TRABD2A: variants seen among roughly 807,000 people sequenced by gnomAD.
The protein encoded by TRABD2A is TraB domain containing 2A.
TRABD2A carries 43 observed loss-of-function variants against 45.6 expected under a neutral mutation model. The observed-to-expected ratio is 0.94, with a 90% CI of 0.74 to 1.22. TRABD2A has a LOEUF of 1.22. Ranked by LOEUF, TRABD2A falls within the 50% of genes most tolerant of loss-of-function variation. The probability of loss-of-function intolerance (pLI) is 0.00; values close to 1 mark genes in which losing one functional copy is unlikely to be tolerated. For synonymous variants in TRABD2A, 269 were observed against 265.0 expected, an observed-to-expected ratio of 1.02 and a Z score of -0.15; for missense variants, 642 against 652.4, an observed-to-expected ratio of 0.98 and a Z score of 0.17.
intron 2 of TRABD2A, among the ~76,000 whole-genome samples, chr2:84,848,576 G>A (rs2105388215): frequency 7.0e-6 from 1 of 142,080 alleles, no homozygotes; most frequent in African/African-American, 2.5e-5. Context: ...TATAGAGAGA[G>A]AGACAGAGAG....
At chr2:84,876,783 G>A (rs912974034) in intron 1 of TRABD2A, among the ~76,000 whole-genome samples, 1 of 152,152 alleles carries the variant, frequency 6.6e-6, no homozygotes, top group African/African-American at 2.4e-5. Flanking sequence ...GAAAGGCTCT[G>A]TCCAGCTCAT....
At chr2:84,837,162 T>A (rs1243173646) in intron 4 of TRABD2A, 1 of 152,008 alleles carries the variant, frequency 6.6e-6, no homozygotes, top group East Asian at 1.9e-4. Flanking sequence ...CCTGGCTAAT[T>A]TTTGTATTAT....
chr2:84,864,699 A>G (rs952891970), intron 2 of TRABD2A, among the ~76,000 whole-genome samples: 1 of 152,166 alleles, frequency 6.6e-6, no homozygotes, highest in Non-Finnish European at 1.5e-5. Flanking sequence ...GCCTCTAGGA[A>G]CAGAGACCTC....
At chr2:84,874,557 T>C (rs1191220018) in intron 1 of TRABD2A, 1 of 153,170 alleles carries the variant, frequency 6.5e-6, no homozygotes, top group African/African-American at 2.4e-5. Flanking sequence ...AAGATGTAAC[T>C]TTCTTCCAGT....
At chr2:84,879,944 A>C (rs1431556292) in intron 1 of TRABD2A, among the ~76,000 whole-genome samples, 4 of 152,148 alleles carry the variant, frequency 2.6e-5, no homozygotes, top group Non-Finnish European at 5.9e-5. Flanking sequence ...CGCAGGTGTC[A>C]TCAAAGGTGG....
intron 2 of TRABD2A, among the ~76,000 whole-genome samples, chr2:84,858,767 C>G (rs1052714456): frequency 6.6e-6 from 1 of 152,190 alleles, no homozygotes; most frequent in Non-Finnish European, 1.5e-5. Context: ...CATAGTGTAA[C>G]AGTTATCATG....
chr2:84,870,865 T>A, intron 1 of TRABD2A, 80 bp from the exon 2 acceptor site: 5 of 1,313,354 alleles, frequency 3.8e-6, no homozygotes, highest in Non-Finnish European at 5.1e-6. Context: ...AATGAATCAG[T>A]CACATTTCAA....
intron 2 of TRABD2A, among the ~76,000 whole-genome samples, chr2:84,856,378 G>A (rs1317601886): frequency 6.6e-6 from 1 of 152,034 alleles, no homozygotes; most frequent in Non-Finnish European, 1.5e-5. Flanking sequence ...TCAAACCAAG[G>A]AGGTGATGAA....
At chr2:84,831,363 G>T (rs983392383) in intron 5 of TRABD2A, among the ~76,000 whole-genome samples, 31 of 152,104 alleles carry the variant, frequency 2.0e-4, no homozygotes, top group South Asian at 6.2e-4. Flanking sequence ...TGTGGTTGTT[G>T]TTATGACAGC....
chr2:84,829,363 A>AACACACAC (rs146287038), intron 5 of TRABD2A, among the ~76,000 whole-genome samples: 20 of 145,712 alleles, frequency 1.4e-4, no homozygotes, highest in Middle Eastern at 3.5e-3. Flanking sequence ...AACAACCAGC[A>AACACACAC]ACACACACAC....
At chr2:84,822,598 A>G (rs1681030482) in intron 6 of TRABD2A, among the ~76,000 whole-genome samples, 1 of 152,150 alleles carries the variant, frequency 6.6e-6, no homozygotes, top group East Asian at 1.9e-4. Flanking sequence ...GCTTACCCAG[A>G]TCTTTCAACT....
intron 1 of TRABD2A, among the ~76,000 whole-genome samples, chr2:84,879,927 G>C (rs1283843814): frequency 6.6e-6 from 1 of 152,160 alleles, no homozygotes; most frequent in Non-Finnish European, 1.5e-5. Flanking sequence ...GGCAGACCGG[G>C]GAGCTGCGCA....
chr2:84,871,192 T>C (rs1682863539), intron 1 of TRABD2A, among the ~76,000 whole-genome samples: 2 of 152,338 alleles, frequency 1.3e-5, no homozygotes, highest in South Asian at 4.1e-4. Context: ...AGTTTTGAGA[T>C]TGTGCCATGC....
intron 2 of TRABD2A, among the ~76,000 whole-genome samples, chr2:84,855,038 C>T (rs988389325): frequency 5.3e-5 from 8 of 152,132 alleles, no homozygotes; most frequent in African/African-American, 1.9e-4. Context: ...CCCCCTCCCT[C>T]CCCAAGCCAT....
intron 3 of TRABD2A, among the ~76,000 whole-genome samples, chr2:84,841,216 A>T (rs916238090): frequency 1.3e-5 from 2 of 152,232 alleles, no homozygotes; most frequent in Non-Finnish European, 2.9e-5. Context: ...TGATAAAAGC[A>T]TAACAAAGAT....
At chr2:84,859,949 T>TGG (rs149173736) in intron 2 of TRABD2A, among the ~76,000 whole-genome samples, 2 of 149,934 alleles carry the variant, frequency 1.3e-5, no homozygotes, top group East Asian at 2.0e-4. Flanking sequence ...TTTGGAGAGA[T>TGG]GGGGGGGGGT....
chr2:84,855,173 C>T (rs923257980), intron 2 of TRABD2A, among the ~76,000 whole-genome samples: 4 of 152,134 alleles, frequency 2.6e-5, no homozygotes, highest in Non-Finnish European at 4.4e-5. Context: ...GCAGAAAATG[C>T]TCATCTTTAT....
chr2:84,865,618 C>T (rs1275035407), intron 2 of TRABD2A, among the ~76,000 whole-genome samples: 1 of 152,224 alleles, frequency 6.6e-6, no homozygotes, highest in East Asian at 1.9e-4. Flanking sequence ...GGACAGATTC[C>T]ATGCTGAGGA....
In TRABD2A at chr2:84,870,164, C is replaced by T. The variant is rs1209700206; in HGVS notation, c.669+61G>A. On this transcript the variant is annotated intron_variant, in intron 2 of 6. Transcript: ENST00000409520. ...CCGTGATCCATCACCTGCCCTGAAA[C>T]TCAACAGATTCACCCATACAACCAA... 31 of 1,486,900 alleles carry T rather than the reference C, an allele frequency of 2.1e-5. No homozygotes were observed. The East Asian group carries it at 5.5e-4, about 26-fold the overall frequency. 92.1% of individuals were successfully genotyped at this position (1,486,900 alleles called of 1,614,324 possible). A position where few individuals can be genotyped will look rare whatever the true frequency, so the allele number is the denominator to read the frequency against.
Sources: gnomAD v4.1 joint callset for allele counts (sites outside exome capture counted in the v4.1 genomes callset) on GRCh38, gnomAD v4.1.1 for gene constraint, MANE v1.5 for transcripts, NCBI Gene and HGNC (gene_info 2026-07-23, HGNC 2026-07-21) for gene names.